Variants in ANKRD42 observed in about 807,000 individuals in gnomAD.
ANKRD42 encodes the protein ankyrin repeat domain 42, also known as ankyrin repeat domain-containing protein 42.
In ANKRD42, 43 loss-of-function variants were observed where a neutral mutation model predicts 51.5. The observed-to-expected ratio is 0.83, with a 90% CI of 0.65 to 1.08. The LOEUF is 1.08. ANKRD42 is among the 50% of genes least tolerant of loss of function. ANKRD42 has a pLI of 0.00. For missense variants in ANKRD42, 608 were observed against 629.3 expected (o/e 0.97, Z 0.36); for synonymous variants, 203 against 213.0 (o/e 0.95, Z 0.41).
At chr11:83,201,697 A>G (rs1397064027) in intron 2 of ANKRD42, among the ~76,000 whole-genome samples, 1 of 152,184 alleles carries the variant, frequency 6.6e-6, no homozygotes, top group Non-Finnish European at 1.5e-5. Flanking sequence ...TTGTCATTCT[A>G]ACTGGTGTGA....
At chr11:83,206,202 T>G in intron 3 of ANKRD42, 37 bp downstream of exon 3, 3 of 1,459,228 alleles carry the variant, frequency 2.1e-6, no homozygotes, top group South Asian at 1.2e-5. Flanking sequence ...TTCAATTACT[T>G]TAACATAGTT....
chr11:83,247,917 T>G (rs1469985176), intron 10 of ANKRD42, 26 bp from the exon 11 acceptor site: 2 of 1,570,262 alleles, frequency 1.3e-6, no homozygotes, highest in African/African-American at 2.7e-5. Context: ...TGATGATTGA[T>G]TTTTAAAAAA....
At chr11:83,234,161 G>C (rs1454075727) in intron 7 of ANKRD42, among the ~76,000 whole-genome samples, 1 of 152,062 alleles carries the variant, frequency 6.6e-6, no homozygotes, top group African/African-American at 2.4e-5. Flanking sequence ...TGATCCTTCA[G>C]TCATTCAGAA....
downstream of ANKRD42, among the ~76,000 whole-genome samples, chr11:83,256,636 C>G (rs896393064): frequency 2.0e-5 from 3 of 152,322 alleles, no homozygotes; most frequent in Non-Finnish European, 2.9e-5. Context: ...TTGTCTCCCC[C>G]TGAAGATCTG....
At chr11:83,196,226 A>C (rs140457846) in intron 1 of ANKRD42, among the ~76,000 whole-genome samples, 1,906 of 152,312 alleles carry the variant, frequency 0.013, 41 homozygotes, top group Non-Finnish European at 0.011. Flanking sequence ...ACTCAGCCTT[A>C]CAGCTCTCAA....
intron 8 of ANKRD42, among the ~76,000 whole-genome samples, chr11:83,237,185 A>G (rs1014598084): frequency 2.0e-5 from 3 of 152,222 alleles, no homozygotes; most frequent in African/African-American, 7.2e-5. Flanking sequence ...AGTATTGTGG[A>G]GAGACAAATA....
chr11:83,249,380 T>A (rs1863635939), downstream of ANKRD42, among the ~76,000 whole-genome samples: 1 of 152,104 alleles, frequency 6.6e-6, no homozygotes, highest in African/African-American at 2.4e-5. Context: ...CCAATTAGTT[T>A]TTTTGTTTGT....
chr11:83,195,487 T>C (rs1861609935), intron 1 of ANKRD42, among the ~76,000 whole-genome samples: 1 of 152,186 alleles, frequency 6.6e-6, no homozygotes, highest in South Asian at 2.1e-4. Context: ...GTATCTCTCC[T>C]CGGAGCTGCA....
chr11:83,228,231 C>CCTTTT (rs1862953522), intron 7 of ANKRD42, among the ~76,000 whole-genome samples: 1 of 59,012 alleles, frequency 1.7e-5, no homozygotes, highest in Non-Finnish European at 3.2e-5. Flanking sequence ...CTCTCTCTCT[C>CCTTTT]TTTTTTTTTT....
At chr11:83,194,896 C>G (rs1050115936) in intron 1 of ANKRD42, among the ~76,000 whole-genome samples, 168 bp downstream of exon 1, 1 of 152,158 alleles carries the variant, frequency 6.6e-6, no homozygotes, top group Admixed American at 6.5e-5. Context: ...CTCCCCTGTT[C>G]TGTATTATTT....
intron 7 of ANKRD42, among the ~76,000 whole-genome samples, chr11:83,228,301 A>G (rs569781477): frequency 3.6e-5 from 4 of 111,770 alleles, no homozygotes; most frequent in Non-Finnish European, 6.6e-5. Flanking sequence ...CCCAGGTTGG[A>G]GTGCAGGTGG....
chr11:83,228,242 T>C (rs1252421006), intron 7 of ANKRD42, among the ~76,000 whole-genome samples: 16,378 of 86,266 alleles, frequency 0.19, 3,131 homozygotes, highest in African/African-American at 0.25. Flanking sequence ...TTTTTTTTTT[T>C]TTTTTTTTTT....
chr11:83,228,243 T>C (rs1441810571), intron 7 of ANKRD42, among the ~76,000 whole-genome samples: 1,825 of 104,106 alleles, frequency 0.018, 251 homozygotes, highest in African/African-American at 0.044. Context: ...TTTTTTTTTT[T>C]TTTTTTTTTT....
downstream of ANKRD42, among the ~76,000 whole-genome samples, chr11:83,262,527 TA>T (rs944404785): frequency 3.6e-4 from 55 of 151,810 alleles, no homozygotes; most frequent in Non-Finnish European, 6.2e-4. Context: ...TCATTTTGGA[TA>T]AAAAAAAATT....
chr11:83,241,061 G>C (rs1863371580), intron 9 of ANKRD42, 127 bp downstream of exon 9: 1 of 1,126,700 alleles, frequency 8.9e-7, no homozygotes, highest in Non-Finnish European at 1.2e-6. Context: ...TATTTTTGGA[G>C]GAACTAGAAC....
In ANKRD42 at chr11:83,255,843, AG is replaced by A. The variant is rs1863761852; in HGVS notation, c.1465del. 6.6e-7 allele frequency: 1 copy of A among 1,526,038 alleles called. No homozygotes were observed. The highest frequency in any genetic ancestry group is 8.7e-7 in the Non-Finnish European group (1 of 1,144,022). The allele number at this position is 1,526,038 out of a possible 1,614,324, so 94.5% of individuals were successfully genotyped here. On this transcript the variant is annotated splice_acceptor_variant, in intron 11 of 11. Coordinates refer to the ANKRD42 transcript ENST00000260047. LOFTEE classifies it high-confidence loss of function. Reference sequence around the variant, plus strand: ...TTTGACCCTCTTTTCCTTTGCTTATAGGAAGACAGCGCTTCTTGTGAGTCAA... The same window carrying A: ...TTTGACCCTCTTTTCCTTTGCTTATAGAAGACAGCGCTTCTTGTGAGTCAA...
intron 9 of ANKRD42, among the ~76,000 whole-genome samples, chr11:83,245,025 C>T (rs1430470198): frequency 6.6e-6 from 1 of 152,218 alleles, no homozygotes; most frequent in East Asian, 1.9e-4. Context: ...CTGCCTCAGC[C>T]TCATGAGTAG....
chr11:83,230,424 C>T (rs145638412), intron 7 of ANKRD42, among the ~76,000 whole-genome samples: 284 of 152,218 alleles, frequency 1.9e-3, no homozygotes, highest in Admixed American at 2.8e-3. Context: ...CTTTCCCAAC[C>T]TCTGGTAACC....
intron 11 of ANKRD42, among the ~76,000 whole-genome samples, chr11:83,254,200 C>T (rs948469926): frequency 6.6e-6 from 1 of 152,012 alleles, no homozygotes; most frequent in African/African-American, 2.4e-5. Flanking sequence ...TCTCAAACTC[C>T]TGAGCTCAAA....
Sources: allele counts gnomAD v4.1 joint callset (sites outside exome capture counted in the v4.1 genomes callset), GRCh38; gene constraint gnomAD v4.1.1; transcripts MANE v1.5; gene names NCBI Gene and HGNC (gene_info 2026-07-23, HGNC 2026-07-21).